IPO5: variants seen among roughly 807,000 people sequenced by gnomAD.
IPO5 encodes importin-5.
A neutral mutation model predicts 143.3 loss-of-function variants in IPO5; 18 were observed. The observed-to-expected ratio is 0.13, with a 90% CI of 0.09 to 0.19. The LOEUF (loss-of-function observed/expected upper bound fraction) is 0.19. IPO5 is among the 10% of genes least tolerant of loss of function. The pLI is 1.00. For missense variants in IPO5, 1,013 were observed against 1,336.9 expected (o/e 0.76, Z 3.78); for synonymous variants, 477 against 465.7 (o/e 1.02, Z -0.31).
intron 2 of IPO5, among the ~76,000 whole-genome samples, chr13:97,969,153 G>GTATATATATATATATA (rs1210544640): frequency 9.3e-4 from 59 of 63,448 alleles, no homozygotes; most frequent in South Asian, 2.2e-3. Context: ...TTTCTGCTAA[G>GTATATATATATATATA]TATATATATA....
chr13:97,976,819 C>G (rs949622510), intron 4 of IPO5, 33 bp downstream of exon 4: 2 of 1,033,958 alleles, frequency 1.9e-6, no homozygotes, highest in African/African-American at 3.5e-5. Context: ...TCTTCGCGCC[C>G]TGGCCGGCGC....
intron 4 of IPO5, among the ~76,000 whole-genome samples, chr13:97,981,728 A>G (rs1886862442): frequency 6.6e-6 from 1 of 152,246 alleles, no homozygotes. Flanking sequence ...AAATACCATC[A>G]GAATTCTTGC....
chr13:98,006,460 T>C (rs1566547197), intron 17 of IPO5, 112 bp downstream of exon 17: 1 of 638,548 alleles, frequency 1.6e-6, no homozygotes, highest in Non-Finnish European at 2.5e-6. Flanking sequence ...CTGCAAACTC[T>C]GCCTCCCAGG....
chr13:97,996,240 A>G (rs940138544), intron 11 of IPO5, among the ~76,000 whole-genome samples: 8 of 152,050 alleles, frequency 5.3e-5, no homozygotes, highest in Admixed American at 5.2e-4. Flanking sequence ...TGGTAGAGAT[A>G]GGGTTTTACC....
chr13:97,976,101 A>T (rs1224463864), intron 3 of IPO5: 1 of 339,100 alleles, frequency 2.9e-6, no homozygotes, highest in East Asian at 1.7e-4. Context: ...TCCAGCGGCC[A>T]CGGGGAGGGG....
Position 97,990,520 on chromosome 13 carries a change from C to A in IPO5, c.652C>A (p.Leu218Ile). 1.3e-6 allele frequency: 2 copies of A among 1,587,112 alleles called. No individual in the cohort carries two copies. The highest frequency in any genetic ancestry group is 1.7e-6 in the Non-Finnish European group (2 of 1,167,284). ...VALFKHFADL[L>I]PGFLQAVNDS... The stretch of plus-strand genomic sequence containing the variant: ...TCTGTTCAAACATTTTGCAGACTTG[C>A]TACCGGGATTCCTACAGGTATGAAA... Residue 218 changes from leucine (L) to isoleucine (I), a missense_variant, in exon 9 of 29, where the codon CTA becomes ATA. By Grantham distance (5) the Leu-to-Ile change is conservative. This residue lies in a region of IPO5 where 328 missense variants were observed against 342.0 expected (regional missense o/e 0.96). Coordinates refer to ENST00000651721, the MANE Select transcript of IPO5 (RefSeq NM_002271.6).
In IPO5 at chr13:97,982,494, T is replaced by C. The variant is rs755543373; in HGVS notation, c.91-9T>C. ...ATTCTTTCCTAACCATTTTTTTTTTTCCATGCAGGAAACCTATGAGAATAT... is the reference window on the plus strand; with the variant it reads ...ATTCTTTCCTAACCATTTTTTTTTTCCCATGCAGGAAACCTATGAGAATAT... On this transcript the variant is annotated splice_polypyrimidine_tract_variant and intron_variant, in intron 4 of 28. Transcript: ENST00000651721. 6 of 1,583,956 alleles carry C rather than the reference T, an allele frequency of 3.8e-6. No homozygotes were observed. The highest frequency in any genetic ancestry group is 2.7e-5 in the African/African-American group (2 of 73,890).
intron 4 of IPO5, among the ~76,000 whole-genome samples, chr13:97,978,317 C>T (rs61970438): frequency 0.05 from 7,540 of 152,166 alleles, 257 homozygotes; most frequent in Non-Finnish European, 0.077. Context: ...CACATTGCCT[C>T]ATAAGTGAGG....
At chr13:98,014,280 TAAA>T in intron 22 of IPO5, 66 bp downstream of exon 22, 5 of 972,280 alleles carry the variant, frequency 5.1e-6, no homozygotes, top group Non-Finnish European at 7.2e-6. Flanking sequence ...TTGCTAAAAG[TAAA>T]AAAAAAAAAT....
At chr13:98,003,847 C>CA (rs954208235) in intron 16 of IPO5, among the ~76,000 whole-genome samples, 80 of 138,908 alleles carry the variant, frequency 5.8e-4, no homozygotes, top group African/African-American at 1.3e-3. Context: ...AATTCTGTTT[C>CA]AAAAAAAAAA....
At chr13:97,976,069 G>T in intron 3 of IPO5, 1 of 618,936 alleles carries the variant, frequency 1.6e-6, no homozygotes, top group Non-Finnish European at 2.0e-6. Context: ...AGGGAGCGAG[G>T]GACCAAAGGG....
Position 98,002,546 on chromosome 13 carries a change from T to G in IPO5, c.1188T>G (p.Ile396Met). 1 of 1,614,016 alleles carries G rather than the reference T, an allele frequency of 6.2e-7. No homozygotes were observed. Among genetic ancestry groups the G allele is most frequent in the Non-Finnish European group, 8.5e-7 (1 of 1,179,874 alleles). Reference protein sequence around the residue: ...GEGCHQQMEGILNEIVNFVLL... With the variant: ...GEGCHQQMEGMLNEIVNFVLL... ...GGTGCCACCAGCAAATGGAAGGAATTCTAAATGAGATCGTAAATTTTGTTT... is the reference window on the plus strand; with the variant it reads ...GGTGCCACCAGCAAATGGAAGGAATGCTAAATGAGATCGTAAATTTTGTTT... Residue 396 changes from isoleucine to methionine, a missense_variant, in exon 14 of 29, where the codon ATT (isoleucine) becomes ATG (methionine). By Grantham distance (10) the Ile-to-Met change is conservative. Coordinates refer to ENST00000651721, the MANE Select transcript of IPO5 (RefSeq NM_002271.6).
chr13:98,001,860 C>G (rs1035458668), intron 13 of IPO5: 1 of 152,194 alleles, frequency 6.6e-6, no homozygotes, highest in Non-Finnish European at 1.5e-5. Flanking sequence ...GTGATCCACC[C>G]GCCTCAACCT....
chr13:98,009,441 G>C (rs1487084002), intron 18 of IPO5, among the ~76,000 whole-genome samples: 1 of 152,146 alleles, frequency 6.6e-6, no homozygotes, highest in Non-Finnish European at 1.5e-5. Flanking sequence ...TTGTTTCTTG[G>C]GTTTTAATAA....
At chr13:98,002,438 G>A (rs759062883) in intron 13 of IPO5, 29 bp from the exon 14 acceptor site, 2 of 1,609,176 alleles carry the variant, frequency 1.2e-6, no homozygotes, top group Middle Eastern at 1.7e-4. Flanking sequence ...GTGTGTAATT[G>A]CTATTCCATC....
At chr13:98,010,446 G>A (rs1889601429) in intron 20 of IPO5, among the ~76,000 whole-genome samples, 1 of 152,146 alleles carries the variant, frequency 6.6e-6, no homozygotes, top group South Asian at 2.1e-4. Context: ...ATTCCTGTTA[G>A]TGGGAAGATG....
At position 98,021,743 on chromosome 13, in the gene IPO5, G is replaced by A; in HGVS notation, c.3215G>A (p.Gly1072Glu). ...ANVVRQVQTS[G>E]GLWTECIAQL... ...AAATGTTTCTTTCCCTAGACTTCTG[G>A]AGGACTGTGGACTGAGTGCATAGCA... Residue 1072 changes from glycine (G) to glutamate (E), a missense_variant, in exon 29 of 29, where the codon GGA (glycine) becomes GAA (glutamate). Coordinates refer to ENST00000651721, the MANE Select transcript of IPO5 (RefSeq NM_002271.6). The A allele has an allele frequency of 6.5e-7, 1 of 1,545,668 alleles. No individual in the cohort carries two copies.
At position 98,000,531 on chromosome 13, in the gene IPO5, G is replaced by C. The variant is rs2139758702; in HGVS notation, c.1002-8G>C. 6.3e-7 allele frequency: 1 copy of C among 1,588,102 alleles called. No homozygotes were observed. The highest frequency in any genetic ancestry group is 1.3e-5 in the African/African-American group (1 of 74,472). On this transcript the variant is annotated splice_polypyrimidine_tract_variant and splice_region_variant and intron_variant, in intron 12 of 28. Transcript: ENST00000651721. Reference sequence around the variant, plus strand: ...ATATTGAGTACATAATTCTGTTTATGTGTTTAGCAATGCAGTTGCAGGCGA... The same window carrying C: ...ATATTGAGTACATAATTCTGTTTATCTGTTTAGCAATGCAGTTGCAGGCGA...
chr13:97,972,127 C>T (rs1330633883), intron 3 of IPO5, among the ~76,000 whole-genome samples: 6 of 152,152 alleles, frequency 3.9e-5, no homozygotes, highest in African/African-American at 7.2e-5. Context: ...AAGAGCATAG[C>T]GCTTACAACT....
Sources: allele counts gnomAD v4.1 joint callset (sites outside exome capture counted in the v4.1 genomes callset), GRCh38; gene constraint gnomAD v4.1.1; regional missense constraint gnomAD v4.1.1; transcripts MANE v1.5; gene names NCBI Gene and HGNC (gene_info 2026-07-23, HGNC 2026-07-21).